IQGAP1: variants seen among roughly 807,000 people sequenced by gnomAD.
IQGAP1 encodes the protein IQ motif containing GTPase activating protein 1.
In IQGAP1, 66 loss-of-function variants were observed where a neutral mutation model predicts 215.6. That is an observed-to-expected ratio of 0.31 (90% CI 0.25 to 0.38). The LOEUF (loss-of-function observed/expected upper bound fraction) is 0.38, where lower values mean the gene tolerates loss of function less well. Among genes scored for constraint, IQGAP1 ranks in the 10% least tolerant of loss-of-function variants. The pLI is 1.00. For missense variants in IQGAP1, 1,712 were observed against 1,997.1 expected, an observed-to-expected ratio of 0.86 and a Z score of 2.72; for synonymous variants, 772 against 728.7, an observed-to-expected ratio of 1.06 and a Z score of -0.96.
chr15:90,489,254 G>C, intron 33 of IQGAP1, among the ~76,000 whole-genome samples: 1 of 151,514 alleles, frequency 6.6e-6, no homozygotes. Flanking sequence ...TCAGCCTCCC[G>C]AGTAGCTGGA....
Position 90,397,145 on chromosome 15 carries a change from C to T in IQGAP1, c.155+6272C>T, listed in dbSNP as rs148507736. ...CTGGGATTATAGGCGTGAGCCACTG[C>T]ACCCAGCCTAGCAAAATTTAAAATT... is the stretch of plus-strand genomic sequence containing the variant. On this transcript the variant is annotated intron_variant, in intron 2 of 37. Transcript: ENST00000268182. Among the ~76,000 whole-genome samples the T allele has an allele frequency of 2.0e-3, 309 of 152,318 alleles. 1 individual carries two copies. The highest frequency in any genetic ancestry group is 7.1e-3 in the African/African-American group (297 of 41,562).
intron 2 of IQGAP1, among the ~76,000 whole-genome samples, chr15:90,401,543 C>T (rs201963338): frequency 2.0e-5 from 3 of 152,228 alleles, no homozygotes; most frequent in African/African-American, 7.2e-5. Flanking sequence ...GCCTCTCCCC[C>T]TCTTCCTCAT....
chr15:90,401,719 A>C (rs147860743), intron 2 of IQGAP1, among the ~76,000 whole-genome samples: 24 of 152,330 alleles, frequency 1.6e-4, no homozygotes, highest in African/African-American at 5.8e-4. Flanking sequence ...TCATTCATCT[A>C]ATAAGTGGTT....
chr15:90,410,809 G>A (rs28419469), intron 2 of IQGAP1, among the ~76,000 whole-genome samples: 53,592 of 148,610 alleles, frequency 0.36, 10,227 homozygotes, highest in East Asian at 0.67. Flanking sequence ...AAACCTGCAT[G>A]TTGTGCACAT....
At chr15:90,403,756 C>G (rs138521931) in intron 2 of IQGAP1, among the ~76,000 whole-genome samples, 7 of 151,526 alleles carry the variant, frequency 4.6e-5, no homozygotes, top group African/African-American at 1.7e-4. Flanking sequence ...TCATTACAAC[C>G]TCCACCTCCA....
intron 36 of IQGAP1, among the ~76,000 whole-genome samples, chr15:90,495,801 C>T (rs1966264889): frequency 6.6e-6 from 1 of 150,510 alleles, no homozygotes; most frequent in South Asian, 2.1e-4. Flanking sequence ...CCACACCCAG[C>T]TAAGTTTTTG....
chr15:90,446,860 TTAAG>T (rs898543661), intron 9 of IQGAP1, among the ~76,000 whole-genome samples: 2 of 152,194 alleles, frequency 1.3e-5, no homozygotes, highest in Non-Finnish European at 2.9e-5. Context: ...GAGAAAGTAT[TTAAG>T]TAATGTTCCA....
At chr15:90,411,306 TCTCA>T (rs1453585368) in intron 2 of IQGAP1, among the ~76,000 whole-genome samples, 7 of 151,506 alleles carry the variant, frequency 4.6e-5, no homozygotes, top group African/African-American at 1.7e-4. Context: ...GGAGACAGGG[TCTCA>T]CTCTGTTACC....
chr15:90,404,727 T>C (rs760684594), intron 2 of IQGAP1, among the ~76,000 whole-genome samples: 73 of 151,030 alleles, frequency 4.8e-4, no homozygotes, highest in Admixed American at 1.6e-3. Context: ...TACAGGCGCG[T>C]ATCACCACAC....
At chr15:90,472,030 C>G (rs74927178) in intron 18 of IQGAP1, among the ~76,000 whole-genome samples, 2,448 of 152,292 alleles carry the variant, frequency 0.016, 62 homozygotes, top group African/African-American at 0.055. Flanking sequence ...AATCTGTCAG[C>G]TGCTTTCCTA....
At chr15:90,447,669 A>C (rs575445337) in intron 9 of IQGAP1, among the ~76,000 whole-genome samples, 20 of 152,280 alleles carry the variant, frequency 1.3e-4, no homozygotes, top group African/African-American at 4.8e-4. Flanking sequence ...CATTTCTGAA[A>C]TCAGAAATTA....
intron 6 of IQGAP1, among the ~76,000 whole-genome samples, chr15:90,440,189 C>T (rs1240669367): frequency 2.6e-5 from 4 of 152,188 alleles, no homozygotes; most frequent in Non-Finnish European, 5.9e-5. Flanking sequence ...TTGTTGAGCT[C>T]ACGTTAAAGC....
intron 2 of IQGAP1, among the ~76,000 whole-genome samples, chr15:90,397,539 CG>C (rs1383002779): frequency 6.7e-5 from 8 of 119,354 alleles, no homozygotes; most frequent in African/African-American, 1.7e-4. Context: ...TTTTTTGAGA[CG>C]GAGTCTTGCT....
At chr15:90,417,329 T>TCTTC (rs1229769876) in intron 2 of IQGAP1, among the ~76,000 whole-genome samples, 1 of 152,242 alleles carries the variant, frequency 6.6e-6, no homozygotes, top group Non-Finnish European at 1.5e-5. Context: ...TCTAGGGTTT[T>TCTTC]TATGGTTTTA....
chr15:90,473,473 A>G (rs922325922), intron 19 of IQGAP1: 22 of 488,558 alleles, frequency 4.5e-5, no homozygotes, highest in South Asian at 3.8e-4. Context: ...ATGAATCTGT[A>G]TGGCTGCACT....
At chr15:90,425,706 G>A (rs1049033300) in intron 2 of IQGAP1, among the ~76,000 whole-genome samples, 1 of 152,236 alleles carries the variant, frequency 6.6e-6, no homozygotes, top group African/African-American at 2.4e-5. Flanking sequence ...AACTGGAAGA[G>A]AATGTCAGCA....
intron 2 of IQGAP1, chr15:90,391,621 G>GTACA (rs1352567095): frequency 6.6e-6 from 1 of 152,402 alleles, no homozygotes; most frequent in Non-Finnish European, 1.5e-5. Context: ...GGTGCTGTTG[G>GTACA]TGTAGGTCCA....
chr15:90,414,512 C>T (rs946829720), intron 2 of IQGAP1, among the ~76,000 whole-genome samples: 3 of 152,068 alleles, frequency 2.0e-5, no homozygotes, highest in Non-Finnish European at 2.9e-5. Context: ...CTTCACCACC[C>T]GCCTCTCTGC....
intron 2 of IQGAP1, among the ~76,000 whole-genome samples, chr15:90,399,687 G>A (rs191909741): frequency 6.6e-6 from 1 of 152,146 alleles, no homozygotes; most frequent in African/African-American, 2.4e-5. Flanking sequence ...TTATATATTT[G>A]TAGAGATGGG....
Sources: allele counts gnomAD v4.1 joint callset (sites outside exome capture counted in the v4.1 genomes callset), GRCh38; gene constraint gnomAD v4.1.1; transcripts MANE v1.5; gene names NCBI Gene and HGNC (gene_info 2026-07-23, HGNC 2026-07-21).